CCSER1: variants seen among roughly 807,000 people sequenced by gnomAD.
CCSER1 encodes serine-rich coiled-coil domain-containing protein 1.
In CCSER1, 41 loss-of-function variants were observed where a neutral mutation model predicts 82.0. The ratio of observed to expected loss-of-function variants is 0.50; its 90% CI spans 0.39 to 0.65. The LOEUF (loss-of-function observed/expected upper bound fraction) is 0.65. Among genes scored for constraint, CCSER1 ranks in the 30% least tolerant of loss-of-function variants. The pLI is 0.00. For synonymous variants in CCSER1, 414 were observed against 383.9 expected (o/e 1.08, Z -0.92); for missense variants, 1,119 against 1,064.2 (o/e 1.05, Z -0.72).
intron 9 of CCSER1, among the ~76,000 whole-genome samples, chr4:90,968,744 C>A (rs1014291964): frequency 1.3e-5 from 2 of 151,874 alleles, no homozygotes; most frequent in Non-Finnish European, 2.9e-5. Context: ...AATGAAAAGA[C>A]TGTAATGAAA....
chr4:90,275,720 T>TA (rs945480406), intron 1 of CCSER1, among the ~76,000 whole-genome samples: 7 of 152,146 alleles, frequency 4.6e-5, no homozygotes, highest in African/African-American at 1.7e-4. Flanking sequence ...ATACAGTAGA[T>TA]AAAATATCTG....
intron 5 of CCSER1, among the ~76,000 whole-genome samples, chr4:90,613,249 CTCAAG>C (rs1720588270): frequency 6.6e-6 from 1 of 152,094 alleles, no homozygotes; most frequent in South Asian, 2.1e-4. Context: ...CTAAACAGCA[CTCAAG>C]TCAGGCAAAA....
intron 6 of CCSER1, among the ~76,000 whole-genome samples, chr4:90,663,559 T>C (rs1379524284): frequency 1.3e-5 from 2 of 152,202 alleles, no homozygotes; most frequent in Non-Finnish European, 2.9e-5. Flanking sequence ...GGCACAATCA[T>C]AGCTCACTGC....
intron 10 of CCSER1, among the ~76,000 whole-genome samples, chr4:91,219,131 G>A (rs1017869678): frequency 6.6e-6 from 1 of 152,022 alleles, no homozygotes; most frequent in African/African-American, 2.4e-5. Flanking sequence ...GAATTGATGG[G>A]CTGTAATACA....
At chr4:91,382,037 C>T (rs745684763) in intron 10 of CCSER1, among the ~76,000 whole-genome samples, 5 of 152,142 alleles carry the variant, frequency 3.3e-5, no homozygotes, top group Non-Finnish European at 5.9e-5. Flanking sequence ...ATCCTGTTTG[C>T]CTGGGTGTCA....
chr4:90,721,234 T>A (rs1220866207), intron 6 of CCSER1, among the ~76,000 whole-genome samples: 2 of 151,866 alleles, frequency 1.3e-5, no homozygotes, highest in Non-Finnish European at 2.9e-5. Context: ...AAATGTTAGG[T>A]TCATATTATT....
At chr4:90,347,948 A>G (rs1742691746) in intron 3 of CCSER1, among the ~76,000 whole-genome samples, 1 of 152,194 alleles carries the variant, frequency 6.6e-6, no homozygotes, top group Non-Finnish European at 1.5e-5. Context: ...AAAAAGAACA[A>G]GATCATGTTC....
At chr4:91,413,029 A>G (rs545219591) in intron 10 of CCSER1, among the ~76,000 whole-genome samples, 6 of 152,288 alleles carry the variant, frequency 3.9e-5, no homozygotes, top group South Asian at 4.1e-4. Context: ...AAGAATTAGA[A>G]GCCATAAAAA....
chr4:90,648,128 G>T (rs1275125163), intron 6 of CCSER1, among the ~76,000 whole-genome samples: 1 of 151,654 alleles, frequency 6.6e-6, no homozygotes, highest in South Asian at 2.1e-4. Flanking sequence ...GCTCCTTACC[G>T]TAGTTATAGA....
intron 3 of CCSER1, among the ~76,000 whole-genome samples, chr4:90,387,400 A>G (rs371571176): frequency 8.5e-5 from 13 of 152,310 alleles, no homozygotes; most frequent in African/African-American, 3.1e-4. Flanking sequence ...TGTGTAACAA[A>G]GAATTTGACC....
intron 8 of CCSER1, among the ~76,000 whole-genome samples, chr4:90,867,650 A>G (rs1279512163): frequency 6.6e-6 from 1 of 151,920 alleles, no homozygotes; most frequent in Non-Finnish European, 1.5e-5. Flanking sequence ...CTATCTAAGT[A>G]TATTTTTTTA....
At chr4:90,898,248 A>C (rs1014741671) in intron 8 of CCSER1, among the ~76,000 whole-genome samples, 7 of 93,772 alleles carry the variant, frequency 7.5e-5, no homozygotes, top group Non-Finnish European at 4.8e-5. Flanking sequence ...TTGAGGCCTT[A>C]CTTTTAAATC....
Position 90,418,066 on chromosome 4 carries a change from C to G in CCSER1, c.1603+17937C>G, listed in dbSNP as rs1380381999. Among the ~76,000 whole-genome samples the G allele has an allele frequency of 4.6e-5, 7 of 152,186 alleles. No homozygotes were observed. The East Asian group carries it at 1.2e-3, about 25-fold the overall frequency. The stretch of plus-strand genomic sequence containing the variant: ...ATGCTGGCTCTGGAATTAGACAAAT[C>G]TCAACCACCAGCCAGGCTATGTAAA... On this transcript the variant is annotated intron_variant, in intron 4 of 10. Coordinates refer to ENST00000509176, the MANE Select transcript of CCSER1 (RefSeq NM_001145065.2).
intron 7 of CCSER1, among the ~76,000 whole-genome samples, chr4:90,734,594 G>C (rs1326689605): frequency 1.3e-5 from 2 of 151,958 alleles, no homozygotes; most frequent in Non-Finnish European, 2.9e-5. Flanking sequence ...TTACTTTCTT[G>C]ATATTGCAAT....
chr4:91,564,785 T>C (rs1183083733), intron 10 of CCSER1, among the ~76,000 whole-genome samples: 2 of 152,038 alleles, frequency 1.3e-5, no homozygotes, highest in Non-Finnish European at 2.9e-5. Flanking sequence ...ATATTAGACC[T>C]TCTTCAGAAG....
At chr4:91,140,350 T>A (rs767318878) in intron 10 of CCSER1, among the ~76,000 whole-genome samples, 2 of 151,950 alleles carry the variant, frequency 1.3e-5, no homozygotes, top group African/African-American at 2.4e-5. Context: ...AAGATATCAA[T>A]TTATTGGTAA....
At chr4:91,251,942 A>C (rs1740289619) in intron 10 of CCSER1, among the ~76,000 whole-genome samples, 1 of 152,168 alleles carries the variant, frequency 6.6e-6, no homozygotes, top group Non-Finnish European at 1.5e-5. Context: ...GAATGGGTGA[A>C]AATTTCTCAA....
At chr4:90,165,027 A>G (rs1730198570) in intron 1 of CCSER1, among the ~76,000 whole-genome samples, 1 of 152,142 alleles carries the variant, frequency 6.6e-6, no homozygotes, top group East Asian at 1.9e-4. Flanking sequence ...GTTGAAAATC[A>G]CTGATGACAT....
intron 1 of CCSER1, among the ~76,000 whole-genome samples, chr4:90,290,621 G>GTC (rs142052761): frequency 0.011 from 1,632 of 151,436 alleles, 15 homozygotes; most frequent in African/African-American, 0.023. Context: ...CGGTACAACT[G>GTC]TCTCTCTCTC....
Sources: allele counts gnomAD v4.1 joint callset (sites outside exome capture counted in the v4.1 genomes callset), GRCh38; gene constraint gnomAD v4.1.1; transcripts MANE v1.5; gene names NCBI Gene and HGNC (gene_info 2026-07-23, HGNC 2026-07-21).